Variants in BMPER observed in about 807,000 individuals in gnomAD.
BMPER encodes the protein BMP binding endothelial regulator.
In BMPER, 45 loss-of-function variants were observed where a neutral mutation model predicts 87.3. The ratio of observed to expected loss-of-function variants is 0.52; its 90% CI spans 0.41 to 0.66. BMPER has a LOEUF of 0.66. Ranked by LOEUF, BMPER falls within the 30% of genes least tolerant of loss-of-function variation. The pLI is 0.00. For synonymous variants in BMPER, 326 were observed against 316.2 expected (o/e 1.03, Z -0.33); for missense variants, 784 against 867.5 (o/e 0.90, Z 1.21).
chr7:33,945,317 C>T (rs1447373545), intron 3 of BMPER, among the ~76,000 whole-genome samples: 1 of 136,988 alleles, frequency 7.3e-6, no homozygotes, highest in Admixed American at 8.1e-5. Context: ...GTGGTGCAAT[C>T]TTGGCTCACT....
rs781012223 is a variant in BMPER, at chr7:34,149,421, T to C, written c.1877-3671T>C. Among the ~76,000 whole-genome samples, 46 of 152,236 alleles carry C rather than the reference T, an allele frequency of 3.0e-4. 1 individual carries two copies. The highest frequency in any genetic ancestry group is 1.5e-3 in the South Asian group (7 of 4,820). On this transcript the variant is annotated intron_variant, in intron 14 of 14. Transcript: ENST00000649409. ...CATCTTGCGGGGATATCCAGAAACC[T>C]ATTTGAAGTGGGGGACATCTGAATT...
intron 2 of BMPER, among the ~76,000 whole-genome samples, chr7:33,920,775 A>G (rs1269477214): frequency 6.6e-6 from 1 of 152,032 alleles, no homozygotes; most frequent in Non-Finnish European, 1.5e-5. Context: ...TGCAGTGGCC[A>G]ATTTTTGAAA....
At chr7:33,936,895 G>A (rs1267723897) in intron 2 of BMPER, among the ~76,000 whole-genome samples, 3 of 152,094 alleles carry the variant, frequency 2.0e-5, no homozygotes, top group Non-Finnish European at 2.9e-5. Context: ...AAATATTTTT[G>A]TTCTCACGAT....
intron 5 of BMPER, among the ~76,000 whole-genome samples, chr7:33,972,998 A>G (rs1369421374): frequency 6.6e-6 from 1 of 152,230 alleles, no homozygotes; most frequent in African/African-American, 2.4e-5. Flanking sequence ...GGCATTGACC[A>G]GGGAATGATA....
chr7:34,121,167 T>C (rs2127989192), intron 13 of BMPER, among the ~76,000 whole-genome samples: 2 of 152,142 alleles, frequency 1.3e-5, no homozygotes, highest in Middle Eastern at 3.4e-3. Flanking sequence ...ATAATGGAAG[T>C]AGGGATGGAA....
intron 13 of BMPER, among the ~76,000 whole-genome samples, chr7:34,117,673 A>G (rs1049319270): frequency 1.3e-5 from 2 of 152,202 alleles, no homozygotes; most frequent in African/African-American, 2.4e-5. Context: ...TACCTTGGAC[A>G]CTGTGGGTCT....
At chr7:34,060,594 C>A (rs1788411139) in intron 10 of BMPER, among the ~76,000 whole-genome samples, 1 of 152,170 alleles carries the variant, frequency 6.6e-6, no homozygotes, top group Non-Finnish European at 1.5e-5. Context: ...ACAAATCAGA[C>A]CTGATTAAAG....
chr7:33,938,433 A>G (rs1784664310), intron 3 of BMPER, among the ~76,000 whole-genome samples: 1 of 152,186 alleles, frequency 6.6e-6, no homozygotes, highest in Admixed American at 6.5e-5. Context: ...CTTTATAAGA[A>G]GAGGAAGAGA....
chr7:33,977,039 G>A (rs1408750860), intron 6 of BMPER, among the ~76,000 whole-genome samples: 1 of 152,164 alleles, frequency 6.6e-6, no homozygotes, highest in Non-Finnish European at 1.5e-5. Flanking sequence ...GGCAACTAAT[G>A]ACTTTGATTA....
intron 6 of BMPER, among the ~76,000 whole-genome samples, chr7:33,994,911 T>C (rs1340503733): frequency 6.6e-6 from 1 of 152,160 alleles, no homozygotes; most frequent in Non-Finnish European, 1.5e-5. Context: ...AATATCTCAA[T>C]TCAGAAAGGG....
chr7:34,021,747 A>G (rs1367687762), intron 6 of BMPER, among the ~76,000 whole-genome samples: 2 of 152,062 alleles, frequency 1.3e-5, no homozygotes, highest in Admixed American at 6.6e-5. Context: ...GATAAACCTC[A>G]TTCCTGGGGA....
intron 9 of BMPER, among the ~76,000 whole-genome samples, chr7:34,055,617 A>C (rs773636456): frequency 1.3e-5 from 2 of 152,186 alleles, no homozygotes; most frequent in Non-Finnish European, 2.9e-5. Context: ...GAGATGCTCA[A>C]TGACATTTGT....
At chr7:33,953,811 C>T (rs2128614011) in intron 3 of BMPER, among the ~76,000 whole-genome samples, 1 of 152,282 alleles carries the variant, frequency 6.6e-6, no homozygotes, top group Non-Finnish European at 1.5e-5. Context: ...TTTCTCTCCT[C>T]CCCTCAGCCC....
intron 13 of BMPER, among the ~76,000 whole-genome samples, chr7:34,090,752 A>T (rs1359167153): frequency 6.6e-6 from 1 of 152,218 alleles, no homozygotes; most frequent in Non-Finnish European, 1.5e-5. Flanking sequence ...TTAGGGCAGG[A>T]CTGCATTTCA....
At chr7:34,062,836 C>T (rs1249116332) in intron 11 of BMPER, among the ~76,000 whole-genome samples, 2 of 152,246 alleles carry the variant, frequency 1.3e-5, no homozygotes, top group East Asian at 3.9e-4. Flanking sequence ...GTATTATATT[C>T]CTATGGGACC....
chr7:34,150,932 A>G (rs1185171780), intron 14 of BMPER, among the ~76,000 whole-genome samples: 1 of 152,228 alleles, frequency 6.6e-6, no homozygotes. Flanking sequence ...TGATGGGATA[A>G]GCAGCAGGTG....
intron 13 of BMPER, among the ~76,000 whole-genome samples, chr7:34,131,393 T>C (rs1257439801): frequency 6.6e-6 from 1 of 152,182 alleles, no homozygotes; most frequent in African/African-American, 2.4e-5. Flanking sequence ...CGGCAGATGC[T>C]TGATGCAAGG....
At chr7:34,126,873 A>T (rs111522652) in intron 13 of BMPER, among the ~76,000 whole-genome samples, 1 of 152,182 alleles carries the variant, frequency 6.6e-6, no homozygotes, top group South Asian at 2.1e-4. Flanking sequence ...TTTTTTAAAA[A>T]AAATGTCCAA....
chr7:33,947,427 G>A (rs1356666371), intron 3 of BMPER, among the ~76,000 whole-genome samples: 2 of 152,154 alleles, frequency 1.3e-5, no homozygotes, highest in Non-Finnish European at 2.9e-5. Context: ...CATTTGTCAA[G>A]TGGGGTTTAT....
Sources: gnomAD v4.1 joint callset for allele counts (sites outside exome capture counted in the v4.1 genomes callset) on GRCh38, gnomAD v4.1.1 for gene constraint, MANE v1.5 for transcripts, NCBI Gene and HGNC (gene_info 2026-07-23, HGNC 2026-07-21) for gene names.